Variants in WDR49 observed in about 807,000 individuals in gnomAD.
The protein encoded by WDR49 is WD repeat domain 49, also known as cilia- and flagella-associated protein 337.
WDR49 carries 107 observed loss-of-function variants against 119.5 expected under a neutral mutation model. That is an observed-to-expected ratio of 0.90 (90% CI 0.77 to 1.05). The LOEUF is 1.05. Among genes scored for constraint, WDR49 ranks in the 50% least tolerant of loss-of-function variants. WDR49 has a pLI of 0.00. For missense variants in WDR49, 1,240 were observed against 1,220.5 expected, an observed-to-expected ratio of 1.02 and a Z score of -0.24; for synonymous variants, 425 against 418.8, an observed-to-expected ratio of 1.01 and a Z score of -0.18.
chr3:167,624,377 A>G (rs371304345), intron 3 of WDR49, among the ~76,000 whole-genome samples: 2 of 152,042 alleles, frequency 1.3e-5, no homozygotes, highest in African/African-American at 4.8e-5. Context: ...AAAGGAGTAC[A>G]CACAGTATGG....
intron 18 of WDR49, among the ~76,000 whole-genome samples, chr3:167,480,940 C>T (rs1750696731): frequency 6.6e-6 from 1 of 151,918 alleles, no homozygotes; most frequent in African/African-American, 2.4e-5. Flanking sequence ...TGAGTCAGGG[C>T]TACCTGTATC....
At chr3:167,601,875 C>T (rs1715787315) in intron 7 of WDR49, among the ~76,000 whole-genome samples, 1 of 151,884 alleles carries the variant, frequency 6.6e-6, no homozygotes, top group African/African-American at 2.4e-5. Flanking sequence ...ATTGAGAGCC[C>T]AATAAAGATT....
chr3:167,561,323 G>A (rs1713259764), intron 8 of WDR49, among the ~76,000 whole-genome samples: 1 of 151,924 alleles, frequency 6.6e-6, no homozygotes, highest in African/African-American at 2.4e-5. Context: ...TATTGTCTAT[G>A]GTCTACACCT....
chr3:167,626,830 T>C (rs1047269312), intron 3 of WDR49, 22 bp downstream of exon 3: 4 of 1,232,810 alleles, frequency 3.2e-6, no homozygotes, highest in African/African-American at 3.1e-5. Flanking sequence ...AAGCAGTACA[T>C]TTTTTTATAA....
chr3:167,494,777 T>C (rs933267908), intron 18 of WDR49, among the ~76,000 whole-genome samples: 3 of 152,196 alleles, frequency 2.0e-5, no homozygotes, highest in South Asian at 2.1e-4. Flanking sequence ...GTCTTTCCCA[T>C]AGGACATTCT....
intron 18 of WDR49, among the ~76,000 whole-genome samples, chr3:167,481,172 T>A (rs573046494): frequency 6.6e-6 from 1 of 150,450 alleles, no homozygotes; most frequent in South Asian, 2.1e-4. Context: ...CTAAAACCAA[T>A]CAAATTGAAG....
chr3:167,544,495 G>A (rs536353372), intron 10 of WDR49, among the ~76,000 whole-genome samples: 1 of 150,702 alleles, frequency 6.6e-6, no homozygotes, highest in Non-Finnish European at 1.5e-5. Flanking sequence ...ACATAAAAAG[G>A]CAAATAGACC....
In WDR49 at chr3:167,617,463, T is replaced by C. The variant is rs190417532; in HGVS notation, c.958+2966A>G. On this transcript the variant is annotated intron_variant, in intron 5 of 18. Transcript: ENST00000682715. The stretch of plus-strand genomic sequence containing the variant: ...AATCGCTGAACCTGGGAGGTAGATG[T>C]TGCAGTGAGCCAAGATCGCACCACT... Among the ~76,000 whole-genome samples, 346 of 152,322 alleles carry C rather than the reference T, an allele frequency of 2.3e-3. 1 individual carries two copies. Among genetic ancestry groups the C allele is most frequent in the African/African-American group, 7.8e-3 (324 of 41,572 alleles).
At chr3:167,571,124 C>G (rs1188703325) in intron 8 of WDR49, among the ~76,000 whole-genome samples, 1 of 151,970 alleles carries the variant, frequency 6.6e-6, no homozygotes, top group Non-Finnish European at 1.5e-5. Flanking sequence ...TGGACCAGCC[C>G]CCATTTTTAA....
chr3:167,546,500 G>A (rs1712209177), intron 10 of WDR49, among the ~76,000 whole-genome samples: 1 of 151,782 alleles, frequency 6.6e-6, no homozygotes, highest in Non-Finnish European at 1.5e-5. Flanking sequence ...AGGAGTCTGA[G>A]AGACTTGTTT....
At chr3:167,620,279 C>G (rs971087928) in intron 5 of WDR49, 150 bp downstream of exon 5, 2 of 628,390 alleles carry the variant, frequency 3.2e-6, no homozygotes, top group African/African-American at 3.8e-5. Context: ...TGCCAGTATT[C>G]AAGGGATAGC....
intron 7 of WDR49, among the ~76,000 whole-genome samples, chr3:167,591,759 T>C (rs912250063): frequency 6.6e-6 from 1 of 152,158 alleles, no homozygotes; most frequent in Admixed American, 6.5e-5. Flanking sequence ...TTTTCCTTCC[T>C]TTATTTTCAG....
chr3:167,650,104 G>A (rs1318607725), intron 2 of WDR49, among the ~76,000 whole-genome samples: 2 of 152,086 alleles, frequency 1.3e-5, no homozygotes, highest in Non-Finnish European at 2.9e-5. Context: ...AACCTACATA[G>A]CCAGACTCTC....
chr3:167,479,968 C>A (rs1047429858), intron 18 of WDR49, among the ~76,000 whole-genome samples: 4 of 151,888 alleles, frequency 2.6e-5, no homozygotes, highest in African/African-American at 4.8e-5. Context: ...CGGTGGCTCA[C>A]GCCTATAATC....
chr3:167,542,401 C>G (rs1273294971), intron 10 of WDR49, among the ~76,000 whole-genome samples: 1 of 151,968 alleles, frequency 6.6e-6, no homozygotes, highest in Non-Finnish European at 1.5e-5. Context: ...AAACAAGTTT[C>G]AATAAATTTT....
intron 3 of WDR49, among the ~76,000 whole-genome samples, 187 bp from the exon 4 acceptor site, chr3:167,621,830 G>A (rs1277746895): frequency 6.6e-6 from 1 of 152,102 alleles, no homozygotes; most frequent in African/African-American, 2.4e-5. Flanking sequence ...TAGCCAAGAA[G>A]AAACTTTTCC....
chr3:167,562,445 C>T (rs1435551309), intron 8 of WDR49, among the ~76,000 whole-genome samples: 2 of 152,022 alleles, frequency 1.3e-5, no homozygotes, highest in African/African-American at 4.8e-5. Flanking sequence ...CCTTTTTTTC[C>T]TGAAATTACA....
chr3:167,640,271 C>G (rs938580418), intron 2 of WDR49, among the ~76,000 whole-genome samples: 3 of 151,850 alleles, frequency 2.0e-5, no homozygotes, highest in Non-Finnish European at 4.4e-5. Context: ...AGAATCTCTT[C>G]TATTGTTATT....
chr3:167,532,557 T>C (rs1009335768), intron 12 of WDR49, among the ~76,000 whole-genome samples: 1 of 152,128 alleles, frequency 6.6e-6, no homozygotes, highest in Non-Finnish European at 1.5e-5. Context: ...GTATCTAACG[T>C]TCACTCTTAG....
Sources: gnomAD v4.1 joint callset for allele counts (sites outside exome capture counted in the v4.1 genomes callset) on GRCh38, gnomAD v4.1.1 for gene constraint, MANE v1.5 for transcripts, NCBI Gene and HGNC (gene_info 2026-07-23, HGNC 2026-07-21) for gene names.